Variants in IGF1R observed in about 807,000 individuals in gnomAD.
IGF1R encodes insulin-like growth factor 1 receptor.
IGF1R carries 44 observed loss-of-function variants against 144.6 expected under a neutral mutation model. That is an observed-to-expected ratio of 0.30 (90% CI 0.24 to 0.39). IGF1R has a LOEUF of 0.39. Ranked by LOEUF, IGF1R falls within the 10% of genes least tolerant of loss-of-function variation. IGF1R has a pLI of 1.00. For missense variants in IGF1R, 1,355 were observed against 1,833.7 expected (o/e 0.74, Z 4.77); for synonymous variants, 795 against 722.8 (o/e 1.10, Z -1.60).
At chr15:98,883,164 C>T (rs1010652749) in intron 2 of IGF1R, among the ~76,000 whole-genome samples, 17 of 152,174 alleles carry the variant, frequency 1.1e-4, no homozygotes, top group African/African-American at 3.4e-4. Flanking sequence ...CTTTTGTGAA[C>T]GTTTAAGACA....
intron 13 of IGF1R, 148 bp downstream of exon 13, chr15:98,924,832 A>G (rs1333347010): frequency 2.6e-6 from 2 of 766,178 alleles, no homozygotes; most frequent in Non-Finnish European, 4.6e-6. Context: ...GTGCCGGCAC[A>G]TACCGGCACT....
intron 2 of IGF1R, chr15:98,890,296 AC>A (rs1269159631): frequency 6.6e-6 from 1 of 152,150 alleles, no homozygotes; most frequent in African/African-American, 2.4e-5. Context: ...GGTCATAAAG[AC>A]CTTGCTGATC....
intron 2 of IGF1R, 34 bp downstream of exon 2, chr15:98,708,141 CCTCT>C (rs747765995): frequency 6.4e-7 from 1 of 1,561,878 alleles, no homozygotes; most frequent in Admixed American, 1.7e-5. Flanking sequence ...TTTCTCTCTG[CCTCT>C]CTCTCTCCTC....
In IGF1R at chr15:98,929,599, G is replaced by A. The variant is rs541998637; in HGVS notation, c.2824G>A (p.Val942Ile). ...CATCCATCTGATCATCGCTCTGCCCGTCGCTGTCCTGTTGATCGTGGGAGG... is the reference window on the plus strand; with the variant it reads ...CATCCATCTGATCATCGCTCTGCCCATCGCTGTCCTGTTGATCGTGGGAGG... ...NFIHLIIALP[V>I]AVLLIVGGLV... The change falls in exon 14 of 21, where the codon GTC becomes ATC. Residue 942 changes from valine to isoleucine, a missense_variant. Physicochemically the swap from Val to Ile is conservative, Grantham distance 29. This residue lies in a region of IGF1R where 880 missense variants were observed against 1,202.7 expected (regional missense o/e 0.73). Transcript: ENST00000650285. 9.9e-6 allele frequency: 16 copies of A among 1,614,128 alleles called. No homozygotes were observed. Among genetic ancestry groups the A allele is most frequent in the Admixed American group, 8.3e-5 (5 of 60,022 alleles).
At chr15:98,826,264 G>C (rs932030342) in intron 2 of IGF1R, among the ~76,000 whole-genome samples, 1 of 152,196 alleles carries the variant, frequency 6.6e-6, no homozygotes, top group Non-Finnish European at 1.5e-5. Flanking sequence ...CCAAACTAAC[G>C]GTAGGACTTT....
intron 2 of IGF1R, among the ~76,000 whole-genome samples, chr15:98,854,684 C>T (rs1175875563): frequency 6.6e-6 from 1 of 152,122 alleles, no homozygotes; most frequent in African/African-American, 2.4e-5. Flanking sequence ...GGGAGAATGC[C>T]AGGGCAGGCG....
intron 2 of IGF1R, among the ~76,000 whole-genome samples, chr15:98,814,366 A>G (rs371115719): frequency 6.6e-6 from 1 of 152,016 alleles, no homozygotes; most frequent in Admixed American, 6.5e-5. Flanking sequence ...ATGGATGGAT[A>G]TAGCCACAGG....
At chr15:98,724,629 C>T (rs949186760) in intron 2 of IGF1R, among the ~76,000 whole-genome samples, 2 of 152,212 alleles carry the variant, frequency 1.3e-5, no homozygotes, top group African/African-American at 4.8e-5. Flanking sequence ...GTCTCCAGCT[C>T]AGAGCAGGTC....
At chr15:98,878,386 C>G (rs2141622498) in intron 2 of IGF1R, among the ~76,000 whole-genome samples, 1 of 152,320 alleles carries the variant, frequency 6.6e-6, no homozygotes, top group Non-Finnish European at 1.5e-5. Context: ...AGAATACTCT[C>G]TCAATTCCAC....
At chr15:98,791,349 TACTTC>T (rs2056123197) in intron 2 of IGF1R, among the ~76,000 whole-genome samples, 1 of 152,246 alleles carries the variant, frequency 6.6e-6, no homozygotes, top group South Asian at 2.1e-4. Flanking sequence ...ATTTAGTTTT[TACTTC>T]ACTTGTAACT....
At chr15:98,680,882 CCTT>C (rs1596177839) in intron 1 of IGF1R, among the ~76,000 whole-genome samples, 1 of 95,440 alleles carries the variant, frequency 1.0e-5, no homozygotes, top group Non-Finnish European at 2.5e-5. Context: ...TTTTTTTTAT[CCTT>C]CTTACTATAT....
intron 2 of IGF1R, among the ~76,000 whole-genome samples, chr15:98,857,449 C>T (rs562273809): frequency 6.6e-6 from 1 of 152,354 alleles, no homozygotes; most frequent in East Asian, 1.9e-4. Context: ...GAACTCCTGA[C>T]CTCAAGTGAT....
intron 2 of IGF1R, among the ~76,000 whole-genome samples, chr15:98,811,545 G>T (rs1366648876): frequency 1.5e-5 from 2 of 129,924 alleles, no homozygotes; most frequent in Admixed American, 7.9e-5. Context: ...AAAAAAAAAA[G>T]TTATTTCTCT....
chr15:98,681,632 G>T (rs900913791), intron 1 of IGF1R, among the ~76,000 whole-genome samples: 1 of 152,090 alleles, frequency 6.6e-6, no homozygotes, highest in Non-Finnish European at 1.5e-5. Flanking sequence ...CATCCCTGTC[G>T]GGGGCTCATG....
chr15:98,852,166 A>G (rs577116470), intron 2 of IGF1R, among the ~76,000 whole-genome samples: 17 of 152,386 alleles, frequency 1.1e-4, no homozygotes, highest in Admixed American at 1.0e-3. Context: ...GGTTTTCCAC[A>G]GAACAAAAAT....
At chr15:98,930,336 G>GT in intron 15 of IGF1R, 31 bp downstream of exon 15, 1 of 1,529,040 alleles carries the variant, frequency 6.5e-7, no homozygotes, top group Non-Finnish European at 9.0e-7. Context: ...CACTGCCAGC[G>GT]TGCAGGGCAG....
intron 8 of IGF1R, 149 bp downstream of exon 8, chr15:98,913,431 C>T: frequency 1.3e-6 from 1 of 764,670 alleles, no homozygotes; most frequent in Non-Finnish European, 2.4e-6. Context: ...TTCATTTCCC[C>T]ACTGCTAACA....
chr15:98,929,587 ATCGCTCTGCCCG>A lies in IGF1R; in HGVS notation c.2818_2829del (p.Leu940_Ala943del). The A allele has an allele frequency of 6.2e-7, 1 of 1,614,164 alleles. No homozygotes were observed. Among genetic ancestry groups the A allele is most frequent in the Admixed American group, 1.7e-5 (1 of 60,030 alleles). ...ATATGAAAACTTCATCCATCTGATCATCGCTCTGCCCGTCGCTGTCCTGTTGATCGTGGGAGG... is the reference window on the plus strand; with the variant it reads ...ATATGAAAACTTCATCCATCTGATCATCGCTGTCCTGTTGATCGTGGGAGG... On this transcript the variant is annotated inframe_deletion, in exon 14 of 21. Transcript: ENST00000650285.
intron 9 of IGF1R, 119 bp from the exon 10 acceptor site, chr15:98,916,553 C>A (rs929608057): frequency 3.2e-6 from 3 of 933,494 alleles, no homozygotes; most frequent in Non-Finnish European, 3.5e-6. Context: ...TGAGCCACCA[C>A]ATCTGGCCGA....
Sources: gnomAD v4.1 joint callset for allele counts (sites outside exome capture counted in the v4.1 genomes callset) on GRCh38, gnomAD v4.1.1 for gene constraint, gnomAD v4.1.1 regional missense constraint, MANE v1.5 for transcripts, NCBI Gene and HGNC (gene_info 2026-07-23, HGNC 2026-07-21) for gene names.